Variants in PCDH15 observed in about 807,000 individuals in gnomAD.
The protein encoded by PCDH15 is protocadherin related 15.
In PCDH15, 129 loss-of-function variants were observed where a neutral mutation model predicts 178.5. That is an observed-to-expected ratio of 0.72 (90% CI 0.63 to 0.84). PCDH15 has a LOEUF of 0.84. PCDH15 is among the 40% of genes least tolerant of loss of function. The probability of loss-of-function intolerance (pLI) is 0.00; values close to 1 mark genes in which losing one functional copy is unlikely to be tolerated. For synonymous variants in PCDH15, 800 were observed against 732.0 expected, an observed-to-expected ratio of 1.09 and a Z score of -1.50; for missense variants, 2,230 against 2,099.9, an observed-to-expected ratio of 1.06 and a Z score of -1.21.
At chr10:54,944,114 G>A (rs1235788595) in intron 2 of PCDH15, among the ~76,000 whole-genome samples, 1 of 151,862 alleles carries the variant, frequency 6.6e-6, no homozygotes, top group Non-Finnish European at 1.5e-5. Context: ...TCCCACATAA[G>A]CAAAGTGGGT....
intron 29 of PCDH15, among the ~76,000 whole-genome samples, chr10:53,838,572 G>A (rs1404283769): frequency 6.6e-6 from 1 of 151,544 alleles, no homozygotes; most frequent in African/African-American, 2.4e-5. Context: ...TTATATTCAG[G>A]TAAAAACACC....
chr10:55,521,415 T>C (rs1841172947), intron 2 of PCDH15, among the ~76,000 whole-genome samples: 1 of 152,016 alleles, frequency 6.6e-6, no homozygotes, highest in African/African-American at 2.4e-5. Flanking sequence ...TTAGAATAGT[T>C]CACATTACGA....
intron 3 of PCDH15, among the ~76,000 whole-genome samples, chr10:54,424,741 G>C (rs887298542): frequency 6.6e-6 from 1 of 151,424 alleles, no homozygotes; most frequent in African/African-American, 2.4e-5. Flanking sequence ...CCATCATTCT[G>C]AGCAAACTAT....
intron 9 of PCDH15, among the ~76,000 whole-genome samples, chr10:54,234,588 AGG>A (rs1313261261): frequency 6.6e-6 from 1 of 152,136 alleles, no homozygotes; most frequent in South Asian, 2.1e-4. Context: ...TTTCAGGTAA[AGG>A]GGGGCTAAAT....
intron 2 of PCDH15, among the ~76,000 whole-genome samples, chr10:54,940,105 A>G (rs1306592550): frequency 6.6e-6 from 1 of 152,088 alleles, no homozygotes; most frequent in Non-Finnish European, 1.5e-5. Flanking sequence ...TTTAAAATGT[A>G]TCAGTGTCTT....
intron 1 of PCDH15, among the ~76,000 whole-genome samples, chr10:55,182,476 C>T (rs1227097682): frequency 6.6e-6 from 1 of 151,932 alleles, no homozygotes; most frequent in Admixed American, 6.6e-5. Flanking sequence ...TAAGTCTTGG[C>T]TTTGTCACTG....
intron 8 of PCDH15, among the ~76,000 whole-genome samples, chr10:54,288,907 C>T (rs1242727316): frequency 6.6e-6 from 1 of 152,240 alleles, no homozygotes; most frequent in Non-Finnish European, 1.5e-5. Context: ...AGGCCTACTG[C>T]CTCTATAGAC....
chr10:54,462,762 CT>C (rs2077276631), intron 3 of PCDH15, among the ~76,000 whole-genome samples: 1 of 123,810 alleles, frequency 8.1e-6, no homozygotes, highest in Non-Finnish European at 1.6e-5. Context: ...AAGTTCCTGA[CT>C]TTGTGATCTG....
chr10:54,275,285 T>G (rs545859130), intron 8 of PCDH15, among the ~76,000 whole-genome samples: 1 of 152,020 alleles, frequency 6.6e-6, no homozygotes, highest in South Asian at 2.1e-4. Context: ...GATTGAAATA[T>G]TTTACAAGTT....
At chr10:54,770,721 A>G (rs1385703707) in intron 1 of PCDH15, among the ~76,000 whole-genome samples, 1 of 151,866 alleles carries the variant, frequency 6.6e-6, no homozygotes, top group Non-Finnish European at 1.5e-5. Context: ...ACAATTAACC[A>G]ATTGGATTAT....
intron 2 of PCDH15, among the ~76,000 whole-genome samples, chr10:54,634,630 GAA>G (rs1037824473): frequency 6.6e-6 from 1 of 151,916 alleles, no homozygotes; most frequent in Non-Finnish European, 1.5e-5. Context: ...TCAACAAAAG[GAA>G]AAGAGACTGA....
intron 3 of PCDH15, among the ~76,000 whole-genome samples, chr10:54,394,399 G>T (rs549845245): frequency 1.3e-5 from 2 of 151,942 alleles, no homozygotes; most frequent in African/African-American, 4.8e-5. Context: ...AAACCTGGGC[G>T]TCCAGGGGAG....
intron 1 of PCDH15, among the ~76,000 whole-genome samples, chr10:55,259,781 A>T (rs746604275): frequency 1.8e-4 from 27 of 151,692 alleles, no homozygotes; most frequent in Non-Finnish European, 3.1e-4. Flanking sequence ...GCATGCCTGT[A>T]ATCCCAGCTA....
intron 20 of PCDH15, among the ~76,000 whole-genome samples, chr10:54,000,836 A>T (rs377423456): frequency 3.3e-5 from 5 of 152,304 alleles, no homozygotes; most frequent in African/African-American, 1.2e-4. Flanking sequence ...CAAGTACAAA[A>T]GATTATAGAA....
chr10:54,044,296 G>A (rs945268552), intron 18 of PCDH15, among the ~76,000 whole-genome samples: 7 of 152,116 alleles, frequency 4.6e-5, no homozygotes, highest in African/African-American at 1.7e-4. Context: ...GGTAGTGAAA[G>A]TGCCTGGACA....
At chr10:54,280,359 G>C (rs965667444) in intron 8 of PCDH15, among the ~76,000 whole-genome samples, 15 of 150,732 alleles carry the variant, frequency 1.0e-4, no homozygotes, top group Non-Finnish European at 1.8e-4. Flanking sequence ...CCACAACCGG[G>C]TGTCTCTATC....
At chr10:54,362,376 G>A (rs1026319441) in intron 5 of PCDH15, among the ~76,000 whole-genome samples, 2 of 151,914 alleles carry the variant, frequency 1.3e-5, no homozygotes, top group Admixed American at 6.6e-5. Flanking sequence ...TCTAAAGTTT[G>A]AAGACATTTA....
At chr10:54,438,341 T>C (rs1221940239) in intron 3 of PCDH15, among the ~76,000 whole-genome samples, 2 of 151,014 alleles carry the variant, frequency 1.3e-5, no homozygotes, top group African/African-American at 4.9e-5. Flanking sequence ...CAAATGCTTC[T>C]TCTGTCGGGG....
At chr10:54,306,361 AGC>A (rs1218210414) in intron 8 of PCDH15, among the ~76,000 whole-genome samples, 1 of 152,032 alleles carries the variant, frequency 6.6e-6, no homozygotes, top group Non-Finnish European at 1.5e-5. Flanking sequence ...AGAGAGAGAG[AGC>A]GAGAGAAAGA....
Sources: allele counts gnomAD v4.1 joint callset (sites outside exome capture counted in the v4.1 genomes callset), GRCh38; gene constraint gnomAD v4.1.1; transcripts MANE v1.5; gene names NCBI Gene and HGNC (gene_info 2026-07-23, HGNC 2026-07-21).